CADPS2: variants seen among roughly 807,000 people sequenced by gnomAD.
The protein encoded by CADPS2 is calcium dependent secretion activator 2, also known as calcium-dependent secretion activator 2.
In CADPS2, 93 loss-of-function variants were observed where a neutral mutation model predicts 172.5. That is an observed-to-expected ratio of 0.54 (90% CI 0.46 to 0.64). CADPS2 has a LOEUF of 0.64. Ranked by LOEUF, CADPS2 falls within the 30% of genes least tolerant of loss-of-function variation. The pLI is 0.00. For synonymous variants in CADPS2, 546 were observed against 555.2 expected (o/e 0.98, Z 0.23); for missense variants, 1,420 against 1,565.9 (o/e 0.91, Z 1.57).
intron 1 of CADPS2, among the ~76,000 whole-genome samples, chr7:122,809,412 AAAAAAAAG>A (rs1296776707): frequency 7.0e-6 from 1 of 142,402 alleles, no homozygotes; most frequent in Non-Finnish European, 1.5e-5. Context: ...TACTAAAAAA[AAAAAAAAG>A]AAAAAAAAAA....
chr7:122,563,973 T>C (rs1311954989), intron 7 of CADPS2, among the ~76,000 whole-genome samples: 1 of 152,186 alleles, frequency 6.6e-6, no homozygotes, highest in Non-Finnish European at 1.5e-5. Flanking sequence ...GAAATGCTCA[T>C]TGGAGCATTT....
At chr7:122,753,585 C>A (rs925298775) in intron 1 of CADPS2, among the ~76,000 whole-genome samples, 1 of 152,060 alleles carries the variant, frequency 6.6e-6, no homozygotes, top group South Asian at 2.1e-4. Context: ...CCTCATTTTC[C>A]AACACACTGT....
At chr7:122,876,986 T>C (rs1821384825) in intron 1 of CADPS2, among the ~76,000 whole-genome samples, 2 of 152,138 alleles carry the variant, frequency 1.3e-5, no homozygotes, top group Admixed American at 6.5e-5. Flanking sequence ...AGTTAACACC[T>C]TTCTGATAGA....
chr7:122,784,029 T>C (rs576042713), intron 1 of CADPS2, among the ~76,000 whole-genome samples: 40 of 152,348 alleles, frequency 2.6e-4, no homozygotes, highest in African/African-American at 9.4e-4. Flanking sequence ...TTTTGTGTAG[T>C]GTTTCATTCC....
intron 6 of CADPS2, among the ~76,000 whole-genome samples, chr7:122,591,187 C>A (rs570531939): frequency 6.6e-6 from 1 of 152,142 alleles, no homozygotes; most frequent in Non-Finnish European, 1.5e-5. Context: ...TCCTATACAC[C>A]AATAACAGAC....
chr7:122,577,926 C>T (rs1334336798), intron 7 of CADPS2, among the ~76,000 whole-genome samples: 2 of 151,666 alleles, frequency 1.3e-5, no homozygotes, highest in African/African-American at 2.4e-5. Context: ...AAATGCTACC[C>T]GAATTTTTAA....
intron 1 of CADPS2, among the ~76,000 whole-genome samples, chr7:122,799,812 T>C (rs992739683): frequency 1.3e-5 from 2 of 152,114 alleles, no homozygotes; most frequent in Non-Finnish European, 2.9e-5. Flanking sequence ...CTTTCTATCA[T>C]AGAGAGTTTG....
intron 2 of CADPS2, among the ~76,000 whole-genome samples, chr7:122,693,370 G>C (rs992995372): frequency 1.3e-5 from 2 of 152,112 alleles, no homozygotes; most frequent in African/African-American, 2.4e-5. Flanking sequence ...TTTCTACCTT[G>C]ATATTTTGAT....
chr7:122,491,194 A>C (rs564021777), intron 10 of CADPS2, 118 bp downstream of exon 10: 6 of 533,510 alleles, frequency 1.1e-5, no homozygotes, highest in Middle Eastern at 3.4e-4. Context: ...CCAGGTATAT[A>C]AGTGAAATAT....
At chr7:122,778,927 T>A (rs1038954736) in intron 1 of CADPS2, among the ~76,000 whole-genome samples, 1 of 152,162 alleles carries the variant, frequency 6.6e-6, no homozygotes, top group African/African-American at 2.4e-5. Flanking sequence ...TCCCCACATG[T>A]CATGGGAGGG....
chr7:122,471,359 T>G lies in CADPS2; in HGVS notation c.2186+16A>C, dbSNP rs143770923. 1 of 1,598,750 alleles carries G rather than the reference T, an allele frequency of 6.3e-7. No homozygotes were observed. Reference sequence around the variant, plus strand: ...CAACCCCATACATTTCACTTTGTATTTGCAAGTAAAAATACCTGTTGCCGT... The same window carrying G: ...CAACCCCATACATTTCACTTTGTATGTGCAAGTAAAAATACCTGTTGCCGT... On this transcript the variant is annotated intron_variant, in intron 14 of 29. Coordinates refer to ENST00000449022, the MANE Select transcript of CADPS2 (RefSeq NM_017954.11).
At chr7:122,785,786 G>A (rs1215386068) in intron 1 of CADPS2, among the ~76,000 whole-genome samples, 3 of 151,996 alleles carry the variant, frequency 2.0e-5, no homozygotes, top group Non-Finnish European at 4.4e-5. Context: ...TTATCCTGAG[G>A]TTCCAACACT....
At chr7:122,764,785 A>G (rs1472351186) in intron 1 of CADPS2, among the ~76,000 whole-genome samples, 1 of 151,358 alleles carries the variant, frequency 6.6e-6, no homozygotes, top group Non-Finnish European at 1.5e-5. Flanking sequence ...AGAGAAGGAA[A>G]TGTACTGCGT....
chr7:122,519,631 A>G (rs1187820219), intron 8 of CADPS2, among the ~76,000 whole-genome samples: 1 of 152,052 alleles, frequency 6.6e-6, no homozygotes, highest in African/African-American at 2.4e-5. Flanking sequence ...CTAGGAAACA[A>G]AGCACAAAGA....
At chr7:122,665,657 T>G (rs1283101771) in intron 2 of CADPS2, among the ~76,000 whole-genome samples, 5 of 152,224 alleles carry the variant, frequency 3.3e-5, no homozygotes, top group Admixed American at 3.3e-4. Flanking sequence ...ATACTGAGTA[T>G]GAAAAGCAGG....
intron 24 of CADPS2, chr7:122,382,289 T>C (rs1033725511): frequency 6.6e-6 from 1 of 152,148 alleles, no homozygotes; most frequent in African/African-American, 2.4e-5. Flanking sequence ...TTGAAATATG[T>C]CAATAAATGT....
intron 8 of CADPS2, among the ~76,000 whole-genome samples, chr7:122,529,202 C>T (rs1486561435): frequency 6.6e-6 from 1 of 151,874 alleles, no homozygotes; most frequent in African/African-American, 2.4e-5. Context: ...CGGCACATTT[C>T]AGCACAGGAA....
chr7:122,785,224 A>G (rs140697888), intron 1 of CADPS2, among the ~76,000 whole-genome samples: 100 of 152,326 alleles, frequency 6.6e-4, no homozygotes, highest in Non-Finnish European at 6.9e-4. Context: ...CGTCTCCTCC[A>G]ACATTGCTAC....
intron 18 of CADPS2, 33 bp from the exon 19 acceptor site, chr7:122,414,109 G>A (rs568579081): frequency 2.7e-6 from 4 of 1,492,742 alleles, no homozygotes; most frequent in Non-Finnish European, 3.5e-6. Flanking sequence ...AAGCATTGCA[G>A]AGTAGAACAA....
Sources: gnomAD v4.1 joint callset for allele counts (sites outside exome capture counted in the v4.1 genomes callset) on GRCh38, gnomAD v4.1.1 for gene constraint, MANE v1.5 for transcripts, NCBI Gene and HGNC (gene_info 2026-07-23, HGNC 2026-07-21) for gene names.